KRTCAP3: variants seen among roughly 807,000 people sequenced by gnomAD.
KRTCAP3 encodes the protein keratinocyte associated protein 3, also known as keratinocyte-associated protein 3.
A neutral mutation model predicts 20.5 loss-of-function variants in KRTCAP3; 18 were observed. The observed-to-expected ratio is 0.88, with a 90% CI of 0.61 to 1.31. The LOEUF (loss-of-function observed/expected upper bound fraction) is 1.31. Ranked by LOEUF, KRTCAP3 falls within the 50% of genes most tolerant of loss-of-function variation. The pLI is 0.00. For missense variants in KRTCAP3, 347 were observed against 310.4 expected, an observed-to-expected ratio of 1.12 and a Z score of -0.89; for synonymous variants, 167 against 133.7, an observed-to-expected ratio of 1.25 and a Z score of -1.72.
downstream of KRTCAP3, chr2:27,444,481 A>G (rs1664850707): frequency 6.2e-7 from 1 of 1,613,668 alleles, no homozygotes; most frequent in African/African-American, 1.3e-5. Flanking sequence ...CCACTGACTG[A>G]TGAATTTCAG....
chr2:27,442,384 G>T lies in KRTCAP3; in HGVS notation c.-29G>T, dbSNP rs1473466309. On this transcript the variant is annotated 5_prime_UTR_variant, in exon 1 of 7. Transcript: ENST00000288873. ...TGGGGCGGGGCCGGGCCCAGGTACA[G>T]CGGCCCTGCGGCTGGCGCGGCGGAC... 3 of 1,545,206 alleles carry T rather than the reference G, an allele frequency of 1.9e-6. No individual in the cohort carries two copies. The East Asian group carries it at 7.4e-5, about 38-fold the overall frequency.
At chr2:27,445,732 C>T, downstream of KRTCAP3, 1 of 1,614,096 alleles carries the variant, frequency 6.2e-7, no homozygotes, top group Non-Finnish European at 8.5e-7. This position sits in a 1 kb window ranked among gnomAD's most constrained non-coding sequence, Gnocchi z 4.4. Flanking sequence ...GTTTTCCAAC[C>T]CTGTGCCCTT....
In KRTCAP3 at chr2:27,442,460, GTCTCGTC is replaced by G; in HGVS notation, c.28+23_28+29del. The G allele has an allele frequency of 6.4e-7, 1 of 1,566,360 alleles. No individual in the cohort carries two copies. Among genetic ancestry groups the G allele is most frequent in the Middle Eastern group, 1.7e-4 (1 of 5,870 alleles). ...CTTTCGGTAACTTCCGGGCCCTGGC[GTCTCGTC>G]TCCTTACCCTGGGGCTACCCTTGCC... On this transcript the variant is annotated intron_variant, in intron 1 of 6. Transcript: ENST00000288873.
rs766760298 is a variant in KRTCAP3, at chr2:27,442,480, G to A, written c.28+40G>A. 7.1e-6 allele frequency: 11 copies of A among 1,557,110 alleles called. No individual in the cohort carries two copies. In the Admixed American group the frequency reaches 1.9e-4, roughly 27 times the overall value. The stretch of plus-strand genomic sequence containing the variant: ...CTGGCGTCTCGTCTCCTTACCCTGG[G>A]GCTACCCTTGCCCCGTCCTACTGCC... On this transcript the variant is annotated intron_variant, in intron 1 of 6. Transcript: ENST00000288873.
downstream of KRTCAP3, chr2:27,445,688 CT>C (rs1665012736): frequency 3.8e-6 from 6 of 1,584,906 alleles, no homozygotes; most frequent in Admixed American, 1.0e-4. The surrounding 1 kb of genome is among the most constrained non-coding windows in gnomAD (Gnocchi z 4.4). Flanking sequence ...GATATTCTCC[CT>C]CCTCAAGGCA....
At position 27,442,902 on chromosome 2, in the gene KRTCAP3, G is replaced by A. The variant is rs769577373; in HGVS notation, c.273+1G>A. The stretch of plus-strand genomic sequence containing the variant: ...CAGGAACCTTCTTCGCCCTCCACTG[G>A]TGAGAGGGACTTCCCTGGAGCTTTT... On this transcript the variant is annotated splice_donor_variant, in intron 3 of 6. Coordinates refer to ENST00000288873, the MANE Select transcript of KRTCAP3 (RefSeq NM_173853.4). LOFTEE classifies it high-confidence loss of function. 4 of 1,613,170 alleles carry A rather than the reference G, an allele frequency of 2.5e-6. No homozygotes were observed. In the South Asian group the frequency reaches 4.4e-5, roughly 18 times the overall value.
At chr2:27,446,324 A>G (rs1665094407), downstream of KRTCAP3, 1 of 1,614,248 alleles carries the variant, frequency 6.2e-7, no homozygotes, top group Non-Finnish European at 8.5e-7. Flanking sequence ...GTGACGCAAG[A>G]GTGAAACAGA....
rs145181670 is a variant in KRTCAP3 at position 27,443,517 on chromosome 2, C to T, written c.600C>T (p.Asp200=). ...TLRGVGPCRK[D]GLQGQLEEMT... ...GTGGAGTTGGGCCCTGCAGGAAGGA[C>T]GGACTTCAGGGGCAGGTAAGGAAGG... Residue 200 remains aspartate (D), a synonymous_variant, in exon 5 of 7, where the codon GAC becomes GAT. Transcript: ENST00000288873. 1.3e-5 allele frequency: 21 copies of T among 1,614,032 alleles called. No homozygotes were observed. The highest frequency in any genetic ancestry group is 1.1e-4 in the East Asian group (5 of 44,874).
rs1433763642 is a variant in KRTCAP3 at position 27,443,428 on chromosome 2, T to G, written c.511T>G (p.Leu171Val). 6.2e-7 allele frequency: 1 copy of G among 1,614,048 alleles called. No homozygotes were observed. Among genetic ancestry groups the G allele is most frequent in the Admixed American group, 1.7e-5 (1 of 60,000 alleles). ...AGCCTTGGCTCTCTGGATCCCTTCT[T>G]TGCTCATGTCTGCAGGGGAGGCTGC... The part of the protein sequence containing the change: ...DTALALWIPS[L>V]LMSAGEAALS... The change falls in exon 5 of 7, where the codon TTG becomes GTG. Residue 171 changes from leucine (L) to valine (V), a missense_variant. Transcript: ENST00000288873.
downstream of KRTCAP3, chr2:27,445,845 T>C (rs781749467): frequency 6.2e-7 from 1 of 1,614,154 alleles, no homozygotes; most frequent in Non-Finnish European, 8.5e-7. This position sits in a 1 kb window ranked among gnomAD's most constrained non-coding sequence, Gnocchi z 4.4. Flanking sequence ...CTCGATTGCC[T>C]GCAGTAGAGT....
At position 27,442,650 on chromosome 2, in the gene KRTCAP3, C is replaced by A; in HGVS notation, c.100C>A (p.Leu34Met). 1 of 1,579,010 alleles carries A rather than the reference C, an allele frequency of 6.3e-7. No homozygotes were observed. The highest frequency in any genetic ancestry group is 8.6e-7 in the Non-Finnish European group (1 of 1,163,052). Residue 34 changes from leucine to methionine, a missense_variant, in exon 2 of 7, where the codon CTG becomes ATG. Physicochemically the swap from Leu to Met is conservative, Grantham distance 15. Transcript: ENST00000288873. ...GATCTTGGTGGGCCACGTGAACCTG[C>A]TGCTGGGGGCCGTGCTGCATGGCAC... ...ALILVGHVNL[L>M]LGAVLHGTVL... is the part of the protein sequence containing the mutation.
chr2:27,442,789 G>A, intron 2 of KRTCAP3, 26 bp downstream of exon 2: 1 of 1,611,230 alleles, frequency 6.2e-7, no homozygotes, highest in East Asian at 2.2e-5. Context: ...GACCCGGGCG[G>A]GGGCCGGGCT....
chr2:27,443,020 C>G (rs1317834591), intron 3 of KRTCAP3, 54 bp from the exon 4 acceptor site: 2 of 1,575,498 alleles, frequency 1.3e-6, no homozygotes, highest in African/African-American at 2.7e-5. Context: ...TGTCTAGTCA[C>G]TGGGAGAGTT....
rs1459908965 is a variant in KRTCAP3 at position 27,443,991 on chromosome 2, C to T, written c.658C>T (p.Gln220Ter). 6.2e-7 allele frequency: 1 copy of T among 1,613,708 alleles called. No individual in the cohort carries two copies. The highest frequency in any genetic ancestry group is 2.2e-5 in the East Asian group (1 of 44,880). ...GCTTGAATCTCCTAAATGTAAAAGG[C>T]AGGAAAATGAGCAGCTACTGGATCA... ...TELESPKCKRQENEQLLDQNQ... is the reference protein window; with the variant it reads ...TELESPKCKR The change falls in exon 6 of 7, where the codon CAG becomes TAG. Residue 220 changes from glutamine to a stop codon, truncating the protein, a stop_gained. Transcript: ENST00000288873. LOFTEE classifies it high-confidence loss of function.
At chr2:27,445,050 GTT>G (rs748959424), downstream of KRTCAP3, 1 of 1,613,844 alleles carries the variant, frequency 6.2e-7, no homozygotes, top group East Asian at 2.2e-5. The surrounding 1 kb of genome is among the most constrained non-coding windows in gnomAD (Gnocchi z 4.4). Context: ...AGTTGTCCTT[GTT>G]AGCAGCCTTC....
intron 1 of KRTCAP3, 51 bp downstream of exon 1, chr2:27,442,491 C>T (rs1016791217): frequency 7.7e-6 from 12 of 1,550,354 alleles, no homozygotes; most frequent in African/African-American, 1.4e-5. Context: ...GCTACCCTTG[C>T]CCCGTCCTAC....
At chr2:27,444,396 G>T, downstream of KRTCAP3, 1 of 1,348,668 alleles carries the variant, frequency 7.4e-7, no homozygotes, top group Non-Finnish European at 1.1e-6. Context: ...AAACTTTAAT[G>T]AGGGAGAGGC....
chr2:27,442,936 G>A (rs771800335), intron 3 of KRTCAP3, 35 bp downstream of exon 3: 1 of 1,611,202 alleles, frequency 6.2e-7, no homozygotes, highest in Admixed American at 1.7e-5. Context: ...TTAACGAGTA[G>A]GCTTGAGTCA....
intron 5 of KRTCAP3, 147 bp from the exon 6 acceptor site, chr2:27,443,802 G>C: frequency 1.6e-6 from 1 of 632,488 alleles, no homozygotes; most frequent in Non-Finnish European, 2.8e-6. Context: ...CTTGAACCCG[G>C]AAGGCGGAGG....
Sources: allele counts gnomAD v4.1 joint callset, GRCh38; gene constraint gnomAD v4.1.1; non-coding constraint Gnocchi (gnomAD v3.1); transcripts MANE v1.5; gene names NCBI Gene and HGNC (gene_info 2026-07-23, HGNC 2026-07-21).